Variants in CACNA1B observed in about 807,000 individuals in gnomAD.
CACNA1B encodes the protein calcium voltage-gated channel subunit alpha1 B.
Under a neutral mutation model 247.2 loss-of-function variants are expected in CACNA1B, and 70 were observed. The ratio of observed to expected loss-of-function variants is 0.28; its 90% CI spans 0.23 to 0.35. The LOEUF (loss-of-function observed/expected upper bound fraction) is 0.35, where lower values mean the gene tolerates loss of function less well. Ranked by LOEUF, CACNA1B falls within the 10% of genes least tolerant of loss-of-function variation. The pLI is 1.00. For missense variants in CACNA1B, 2,367 were observed against 3,197.4 expected (o/e 0.74, Z 6.26); for synonymous variants, 1,231 against 1,294.4 (o/e 0.95, Z 1.05).
At chr9:137,992,601 T>G (rs1958444229) in intron 15 of CACNA1B, among the ~76,000 whole-genome samples, 1 of 152,094 alleles carries the variant, frequency 6.6e-6, no homozygotes, top group Admixed American at 6.5e-5. Flanking sequence ...TAACAGGTAT[T>G]TACAGAGCAT....
rs1013324131 is a variant in CACNA1B, at chr9:138,118,734, C to T, written c.5996C>T (p.Ala1999Val). The T allele has an allele frequency of 1.0e-5, 16 of 1,543,852 alleles. No individual in the cohort carries two copies. Among genetic ancestry groups the T allele is most frequent in the Middle Eastern group, 1.7e-4 (1 of 5,964 alleles). ...CCTGGGCTGGAGAGCCAGGGTCGAG[C>T]GGCCTCCATGCCCCGCCTTGCGGCC... Reference protein sequence around the residue: ...PQPGLESQGRAASMPRLAAET... With the variant: ...PQPGLESQGRVASMPRLAAET... The change falls in exon 44 of 47, where the codon GCG (alanine) becomes GTG (valine). Residue 1999 changes from alanine to valine, a missense_variant. By Grantham distance (64) the Ala-to-Val change is moderately conservative. Transcript: ENST00000371372.
At chr9:138,108,411 C>A (rs1332378931) in intron 39 of CACNA1B, among the ~76,000 whole-genome samples, 1 of 151,552 alleles carries the variant, frequency 6.6e-6, no homozygotes, top group Non-Finnish European at 1.5e-5. Context: ...AATCCCAGGT[C>A]CAAATGGCTT....
chr9:137,941,676 A>T (rs1232181475), intron 6 of CACNA1B, among the ~76,000 whole-genome samples: 2 of 152,234 alleles, frequency 1.3e-5, no homozygotes. Context: ...GACAGAATAG[A>T]GAACCCAGAA....
chr9:138,016,261 G>A (rs541639055), intron 18 of CACNA1B, among the ~76,000 whole-genome samples: 1 of 152,360 alleles, frequency 6.6e-6, no homozygotes, highest in Non-Finnish European at 1.5e-5. Context: ...TGGTTTGACT[G>A]CCCACAAAGG....
intron 37 of CACNA1B, among the ~76,000 whole-genome samples, chr9:138,101,846 C>A (rs1197697442): frequency 6.6e-6 from 1 of 152,234 alleles, no homozygotes; most frequent in Non-Finnish European, 1.5e-5. Context: ...TCTCTAGGAC[C>A]CCAAGCCCAC....
intron 32 of CACNA1B, among the ~76,000 whole-genome samples, chr9:138,071,242 G>A (rs898595093): frequency 1.3e-5 from 2 of 152,246 alleles, no homozygotes; most frequent in African/African-American, 4.8e-5. Context: ...ACCATGTTGA[G>A]GGCACAATGC....
chr9:138,079,240 T>C (rs957323814), intron 36 of CACNA1B, among the ~76,000 whole-genome samples: 8 of 152,066 alleles, frequency 5.3e-5, no homozygotes, highest in East Asian at 3.9e-4. Context: ...TGTTGAACTT[T>C]GGTGAGCACT....
intron 15 of CACNA1B, among the ~76,000 whole-genome samples, chr9:137,995,625 A>C (rs1399510924): frequency 1.3e-5 from 2 of 152,254 alleles, no homozygotes; most frequent in Non-Finnish European, 2.9e-5. Context: ...GGCTAGGCAA[A>C]GACTTCTTGA....
rs1959261920 is a variant in CACNA1B, at chr9:138,051,168, GA to G, written c.3711-921del. Among the ~76,000 whole-genome samples, 1 of 152,082 alleles carries G rather than the reference GA, an allele frequency of 6.6e-6. No homozygotes were observed. The highest frequency in any genetic ancestry group is 1.5e-5 in the Non-Finnish European group (1 of 68,010). On this transcript the variant is annotated intron_variant, in intron 24 of 46. Transcript: ENST00000371372. This position sits in a 1 kb window ranked among gnomAD's most constrained non-coding sequence, Gnocchi z 4.3. ...CTGAGAACGGGGGCCGCCTTAGGAG[GA>G]AATCTCTCCTAGACACTGCTGGCCC...
chr9:138,117,161 A>T (rs1034367504), intron 42 of CACNA1B, among the ~76,000 whole-genome samples: 3 of 152,214 alleles, frequency 2.0e-5, no homozygotes, highest in Non-Finnish European at 4.4e-5. Flanking sequence ...GAGAAATACC[A>T]GTGCGGAAGT....
chr9:137,949,683 C>T (rs1957856627), intron 6 of CACNA1B, among the ~76,000 whole-genome samples: 1 of 151,992 alleles, frequency 6.6e-6, no homozygotes. Flanking sequence ...ATGGCGGTGG[C>T]CGGCAGAGGT....
chr9:137,921,923 C>T (rs1166741161), intron 6 of CACNA1B, among the ~76,000 whole-genome samples: 2 of 147,724 alleles, frequency 1.4e-5, no homozygotes, highest in Admixed American at 1.3e-4. Context: ...GTTCGGAGAA[C>T]ATGGTCAGCA....
rs779111546 is a variant in CACNA1B, at chr9:138,078,104, T to C, written c.4950-10T>C. The C allele has an allele frequency of 1.2e-6, 2 of 1,613,104 alleles. No individual in the cohort carries two copies. Among genetic ancestry groups the C allele is most frequent in the Non-Finnish European group, 1.7e-6 (2 of 1,179,470 alleles). ...CTCTGTGGGCCTCACAACTCTGCCC[T>C]TCTTCTCAGGAGCGCCACGGGGGAG... On this transcript the variant is annotated splice_polypyrimidine_tract_variant and intron_variant, in intron 35 of 46. Coordinates refer to ENST00000371372, the MANE Select transcript of CACNA1B (RefSeq NM_000718.4).
chr9:137,989,334 G>T (rs960257412), intron 15 of CACNA1B, among the ~76,000 whole-genome samples: 2 of 152,176 alleles, frequency 1.3e-5, no homozygotes, highest in Admixed American at 6.5e-5. Context: ...TGAGCCGGAG[G>T]ATGTGGTGGG....
intron 15 of CACNA1B, among the ~76,000 whole-genome samples, chr9:137,999,132 A>G (rs572941040): frequency 6.6e-6 from 1 of 152,244 alleles, no homozygotes; most frequent in African/African-American, 2.4e-5. Context: ...GTGAAACCAA[A>G]ATGGCGAGAC....
chr9:137,906,726 ATTAT>A (rs1423628951), intron 3 of CACNA1B, among the ~76,000 whole-genome samples: 1 of 149,344 alleles, frequency 6.7e-6, no homozygotes, highest in African/African-American at 2.5e-5. Flanking sequence ...CATGTGATGC[ATTAT>A]TTAACATACA....
At chr9:138,040,946 A>ACG (rs1204637758) in intron 20 of CACNA1B, among the ~76,000 whole-genome samples, 1 of 152,190 alleles carries the variant, frequency 6.6e-6, no homozygotes, top group Non-Finnish European at 1.5e-5. Flanking sequence ...TGAATTAACA[A>ACG]CGTTTTCAGT....
chr9:137,892,790 T>TGTC (rs1957121278), intron 3 of CACNA1B, among the ~76,000 whole-genome samples: 1 of 152,220 alleles, frequency 6.6e-6, no homozygotes, highest in Non-Finnish European at 1.5e-5. Context: ...GAGGGAATGG[T>TGTC]GTCCCTGTTC....
rs1296423111 is a variant in CACNA1B, at chr9:138,023,828, G to A, written c.3068+17G>A. ...CCAGCCCCGGTGAGTCCGCGGCTGG[G>A]CGGGGTCAGGGAGGGAAGGGTTGGC... On this transcript the variant is annotated intron_variant, in intron 19 of 46. Coordinates refer to ENST00000371372, the MANE Select transcript of CACNA1B (RefSeq NM_000718.4). 1 of 1,243,144 alleles carries A rather than the reference G, an allele frequency of 8.0e-7. No individual in the cohort carries two copies. The highest frequency in any genetic ancestry group is 2.0e-5 in the Admixed American group (1 of 50,466). 77.0% of individuals were successfully genotyped at this position (1,243,144 alleles called of 1,614,324 possible). A position where few individuals can be genotyped will look rare whatever the true frequency, so the allele number is the denominator to read the frequency against.
Sources: allele counts gnomAD v4.1 joint callset (sites outside exome capture counted in the v4.1 genomes callset), GRCh38; gene constraint gnomAD v4.1.1; non-coding constraint Gnocchi (gnomAD v3.1); transcripts MANE v1.5; gene names NCBI Gene and HGNC (gene_info 2026-07-23, HGNC 2026-07-21).